The following APOC3 variants were observed in gnomAD, a reference collection of about 807,000 sequenced individuals.
The protein encoded by APOC3 is apolipoprotein C3.
In APOC3, 6 loss-of-function variants were observed where a neutral mutation model predicts 7.3. The ratio of observed to expected loss-of-function variants is 0.82; its 90% CI spans 0.45 to 1.61. The LOEUF (loss-of-function observed/expected upper bound fraction) is 1.61. APOC3 is among the 40% of genes most tolerant of loss of function. APOC3 has a pLI of 0.01. For missense variants in APOC3, 123 were observed against 124.9 expected, an observed-to-expected ratio of 0.98 and a Z score of 0.07; for synonymous variants, 45 against 51.2, an observed-to-expected ratio of 0.88 and a Z score of 0.52.
intron 3 of APOC3, 80 bp downstream of exon 3, chr11:116,830,976 A>G: frequency 1.3e-6 from 2 of 1,529,892 alleles, no homozygotes; most frequent in South Asian, 1.2e-5. Context: ...TGAGATCCCA[A>G]CAATGGAATG....
intron 2 of APOC3, 36 bp downstream of exon 2, chr11:116,830,673 G>A (rs747115806): frequency 6.2e-7 from 1 of 1,613,566 alleles, no homozygotes. Flanking sequence ...GGGGCAGGGT[G>A]GAGGCAACTT....
At chr11:116,831,284 CT>C (rs112075161) in intron 3 of APOC3, among the ~76,000 whole-genome samples, 17,902 of 83,514 alleles carry the variant, frequency 0.21, 1,956 homozygotes, top group East Asian at 0.28. Context: ...TCTTTCTTTC[CT>C]TTCTTTCTTT....
At position 116,833,015 on chromosome 11, in the gene APOC3, C is replaced by T; in HGVS notation, c.*131C>T. The T allele has an allele frequency of 7.6e-7, 1 of 1,313,546 alleles. No individual in the cohort carries two copies. 81.4% of individuals were successfully genotyped at this position (1,313,546 alleles called of 1,614,324 possible). A position where few individuals can be genotyped will look rare whatever the true frequency, so the allele number is the denominator to read the frequency against. ...AGTGCTCTCCTACCCCACCTCATGCCTGGCCCCCCTCCAGGCATGCTGGCC... is the reference window on the plus strand; with the variant it reads ...AGTGCTCTCCTACCCCACCTCATGCTTGGCCCCCCTCCAGGCATGCTGGCC... On this transcript the variant is annotated 3_prime_UTR_variant, in exon 4 of 4. Transcript: ENST00000227667.
rs1320183425 is a variant in APOC3, at chr11:116,832,827, C to T, written c.243C>T (p.Phe81=). The T allele has an allele frequency of 1.9e-6, 3 of 1,614,128 alleles. No individual in the cohort carries two copies. In the Admixed American group the frequency reaches 5.0e-5, roughly 27 times the overall value. The change falls in exon 4 of 4, where the codon TTC becomes TTT. Residue 81 remains phenylalanine, a synonymous_variant. Coordinates refer to ENST00000227667, the MANE Select transcript of APOC3 (RefSeq NM_000040.3). ...KDYWSTVKDK[F]SEFWDLDPEV... The stretch of plus-strand genomic sequence containing the variant: ...ACTGGAGCACCGTTAAGGACAAGTT[C>T]TCTGAGTTCTGGGATTTGGACCCTG...
Sources: allele counts gnomAD v4.1 joint callset (sites outside exome capture counted in the v4.1 genomes callset), GRCh38; gene constraint gnomAD v4.1.1; transcripts MANE v1.5; gene names NCBI Gene and HGNC (gene_info 2026-07-23, HGNC 2026-07-21).